ROR1: variants seen among roughly 807,000 people sequenced by gnomAD.
ROR1 encodes the protein inactive tyrosine-protein kinase transmembrane receptor ROR1.
ROR1 carries 19 observed loss-of-function variants against 78.8 expected under a neutral mutation model. The observed-to-expected ratio is 0.24, with a 90% CI of 0.17 to 0.35. ROR1 has a LOEUF of 0.35. Among genes scored for constraint, ROR1 ranks in the 10% least tolerant of loss-of-function variants. ROR1 has a pLI of 1.00. For missense variants in ROR1, 917 were observed against 1,177.8 expected (o/e 0.78, Z 3.24); for synonymous variants, 386 against 433.6 (o/e 0.89, Z 1.36).
chr1:64,004,615 CGGGGAT>C (rs1646413424), intron 1 of ROR1, among the ~76,000 whole-genome samples: 1 of 152,132 alleles, frequency 6.6e-6, no homozygotes, highest in Non-Finnish European at 1.5e-5. Context: ...ATCACTGAAT[CGGGGAT>C]ACAGGATGTG....
At chr1:64,100,487 C>G (rs887678690) in intron 4 of ROR1, among the ~76,000 whole-genome samples, 6 of 151,984 alleles carry the variant, frequency 3.9e-5, no homozygotes, top group African/African-American at 1.2e-4. Context: ...GACCTTGTCT[C>G]AAGAAATAAG....
chr1:64,042,382 G>A (rs930488943), intron 2 of ROR1, among the ~76,000 whole-genome samples: 1 of 152,138 alleles, frequency 6.6e-6, no homozygotes, highest in Non-Finnish European at 1.5e-5. Context: ...TCACATTTGA[G>A]GAAACTGAGG....
chr1:63,844,295 C>T (rs527313561), intron 1 of ROR1, among the ~76,000 whole-genome samples: 1 of 152,272 alleles, frequency 6.6e-6, no homozygotes, highest in South Asian at 2.1e-4. Context: ...TGGTTAGTGC[C>T]TTTATTCCTG....
chr1:64,163,199 C>T (rs1387383706), intron 8 of ROR1, among the ~76,000 whole-genome samples: 1 of 149,176 alleles, frequency 6.7e-6, no homozygotes, highest in African/African-American at 2.5e-5. Flanking sequence ...GCCTGGGCAA[C>T]ATGGGGAAAC....
At chr1:64,052,910 TCCCCTGTCTCTAGGAGTTCTTCACTTC>T (rs1010692190) in intron 4 of ROR1, among the ~76,000 whole-genome samples, 1 of 152,038 alleles carries the variant, frequency 6.6e-6, no homozygotes, top group Non-Finnish European at 1.5e-5. Flanking sequence ...TGCCACCACT[TCCCCTGTCTCTAGGAGTTCTTCACTTC>T]CTGAGACTAA....
chr1:64,071,961 G>A (rs1164820888), intron 4 of ROR1, among the ~76,000 whole-genome samples: 6 of 152,082 alleles, frequency 3.9e-5, no homozygotes, highest in South Asian at 2.1e-4. Context: ...TCCCGCCACC[G>A]TGGTGCTTCC....
chr1:63,960,971 A>G (rs1646022665), intron 1 of ROR1, among the ~76,000 whole-genome samples: 1 of 152,322 alleles, frequency 6.6e-6, no homozygotes, highest in Non-Finnish European at 1.5e-5. Flanking sequence ...ACAGCTTTCA[A>G]ATGTTTTAGG....
chr1:63,983,874 T>G (rs1158763496), intron 1 of ROR1, among the ~76,000 whole-genome samples: 1 of 152,202 alleles, frequency 6.6e-6, no homozygotes, highest in Non-Finnish European at 1.5e-5. Context: ...TACTAAATAA[T>G]GCTTCCTTGC....
intron 1 of ROR1, among the ~76,000 whole-genome samples, chr1:63,918,808 C>G (rs896461069): frequency 3.3e-5 from 5 of 152,148 alleles, no homozygotes; most frequent in Non-Finnish European, 7.4e-5. Flanking sequence ...GGAACAGTTC[C>G]ATAGCTAGCC....
At chr1:64,020,650 C>G (rs1646557373) in intron 2 of ROR1, among the ~76,000 whole-genome samples, 1 of 152,162 alleles carries the variant, frequency 6.6e-6, no homozygotes, top group Admixed American at 6.5e-5. Flanking sequence ...GCTCTTCATT[C>G]CCTCTGGCCT....
chr1:64,035,817 G>A (rs912566396), intron 2 of ROR1, among the ~76,000 whole-genome samples: 7 of 152,072 alleles, frequency 4.6e-5, no homozygotes, highest in African/African-American at 9.7e-5. Context: ...CGTTCCTCCC[G>A]AAACCTGGCC....
chr1:64,089,952 T>C (rs1012032251), intron 4 of ROR1, among the ~76,000 whole-genome samples: 3 of 152,168 alleles, frequency 2.0e-5, no homozygotes, highest in Admixed American at 6.5e-5. Flanking sequence ...TATGAGGTTC[T>C]CATTCCCTTT....
chr1:64,152,099 G>A (rs529773807), intron 7 of ROR1, among the ~76,000 whole-genome samples: 12 of 152,130 alleles, frequency 7.9e-5, no homozygotes, highest in Admixed American at 3.9e-4. Flanking sequence ...ACCAAAACTC[G>A]TATGCAAAAT....
intron 1 of ROR1, among the ~76,000 whole-genome samples, chr1:63,874,432 T>C (rs1278921851): frequency 2.0e-5 from 3 of 152,138 alleles, no homozygotes; most frequent in Admixed American, 1.3e-4. Flanking sequence ...GATACATGAA[T>C]CATAGCATCT....
intron 1 of ROR1, among the ~76,000 whole-genome samples, chr1:63,987,498 T>G (rs1312357010): frequency 6.6e-6 from 1 of 152,218 alleles, no homozygotes; most frequent in Non-Finnish European, 1.5e-5. Context: ...AATGTTAATC[T>G]TTGTATCATA....
chr1:64,172,277 T>C (rs1027751222), intron 8 of ROR1, among the ~76,000 whole-genome samples: 3 of 152,222 alleles, frequency 2.0e-5, no homozygotes, highest in Admixed American at 1.3e-4. Context: ...GCATCTAAAA[T>C]GTTTTTCCTT....
Position 64,074,726 on chromosome 1 carries a change from A to G in ROR1, c.482+24010A>G, listed in dbSNP as rs755779354. 3.7e-4 allele frequency among the ~76,000 whole-genome samples: 57 copies of G among 152,206 alleles called. 1 individual carries two copies. Among genetic ancestry groups the G allele is most frequent in the Non-Finnish European group, 7.8e-4 (53 of 68,038 alleles). On this transcript the variant is annotated intron_variant, in intron 4 of 8. Coordinates refer to ENST00000371079, the MANE Select transcript of ROR1 (RefSeq NM_005012.4). Reference sequence around the variant, plus strand: ...TTGTGCTACCAGTTTGGGCAAGTATATGACTCTATGCCTTACCTGTGTTAG... The same window carrying G: ...TTGTGCTACCAGTTTGGGCAAGTATGTGACTCTATGCCTTACCTGTGTTAG...
At chr1:64,080,762 G>A (rs1003922810) in intron 4 of ROR1, among the ~76,000 whole-genome samples, 5 of 152,158 alleles carry the variant, frequency 3.3e-5, no homozygotes, top group Non-Finnish European at 5.9e-5. Flanking sequence ...CAGCCACATG[G>A]TGCCCTTCAT....
intron 1 of ROR1, among the ~76,000 whole-genome samples, chr1:63,949,415 T>C (rs1334152578): frequency 6.6e-6 from 1 of 152,136 alleles, no homozygotes; most frequent in East Asian, 1.9e-4. Context: ...TGGCTTGGGA[T>C]AGGCAGGAGA....
Sources: allele counts gnomAD v4.1 joint callset (sites outside exome capture counted in the v4.1 genomes callset), GRCh38; gene constraint gnomAD v4.1.1; transcripts MANE v1.5; gene names NCBI Gene and HGNC (gene_info 2026-07-23, HGNC 2026-07-21).